MTHFD1: variants seen among roughly 807,000 people sequenced by gnomAD.
The protein encoded by MTHFD1 is methylenetetrahydrofolate dehydrogenase, cyclohydrolase and formyltetrahydrofolate synthetase 1, also known as C-1-tetrahydrofolate synthase, cytoplasmic.
Under a neutral mutation model 110.3 loss-of-function variants are expected in MTHFD1, and 44 were observed. That is an observed-to-expected ratio of 0.40 (90% CI 0.31 to 0.51). The LOEUF (loss-of-function observed/expected upper bound fraction) is 0.51, where lower values mean the gene tolerates loss of function less well. MTHFD1 is among the 20% of genes least tolerant of loss of function. MTHFD1 has a pLI of 0.60. For synonymous variants in MTHFD1, 402 were observed against 428.8 expected, an observed-to-expected ratio of 0.94 and a Z score of 0.77; for missense variants, 909 against 1,173.1, an observed-to-expected ratio of 0.77 and a Z score of 3.29.
At chr14:64,423,283 G>A (rs2078089642) in intron 8 of MTHFD1, among the ~76,000 whole-genome samples, 1 of 152,092 alleles carries the variant, frequency 6.6e-6, no homozygotes, top group Non-Finnish European at 1.5e-5. Context: ...TTTGGAGGCT[G>A]CTTTTTCAAT....
chr14:64,388,512 G>A, intron 1 of MTHFD1, 44 bp downstream of exon 1: 2 of 1,583,086 alleles, frequency 1.3e-6, no homozygotes, highest in Non-Finnish European at 1.7e-6. Context: ...TGTGGACGAG[G>A]GCTCTGAGGG....
At chr14:64,410,200 A>G (rs760842818) in intron 2 of MTHFD1, among the ~76,000 whole-genome samples, 1 of 152,186 alleles carries the variant, frequency 6.6e-6, no homozygotes, top group South Asian at 2.1e-4. Flanking sequence ...CCTCTGCACT[A>G]CAAGTTTCTC....
Position 64,449,518 on chromosome 14 carries a change from T to G in MTHFD1, c.2353T>G (p.Cys785Gly). Reference sequence around the variant, plus strand: ...ACATGGGGCTTTTGATGCCGTGAAGTGCACTCACTGGGCAGAAGGGGGCAA... The same window carrying G: ...ACATGGGGCTTTTGATGCCGTGAAGGGCACTCACTGGGCAGAAGGGGGCAA... The part of the protein sequence containing the change: ...REHGAFDAVK[C>G]THWAEGGKGA... The change falls in exon 24 of 28, where the codon TGC (cysteine) becomes GGC (glycine). Residue 785 changes from cysteine to glycine, a missense_variant. Cys to Gly is a radical substitution (Grantham distance 159). Around this residue, in one of 3 missense-constraint regions of MTHFD1, gnomAD observed 482 missense variants for 646.0 expected, o/e 0.75. Transcript: ENST00000652337. The G allele has an allele frequency of 6.2e-7, 1 of 1,614,144 alleles. No homozygotes were observed. The highest frequency in any genetic ancestry group is 8.5e-7 in the Non-Finnish European group (1 of 1,180,028).
At chr14:64,424,029 C>G (rs1179359040) in intron 8 of MTHFD1, among the ~76,000 whole-genome samples, 1 of 152,178 alleles carries the variant, frequency 6.6e-6, no homozygotes, top group Admixed American at 6.5e-5. Context: ...TTGCCTCCAC[C>G]TTGGAGCTTC....
chr14:64,444,653 A>C (rs753275019), intron 21 of MTHFD1, 40 bp from the exon 22 acceptor site: 1 of 1,613,086 alleles, frequency 6.2e-7, no homozygotes, highest in East Asian at 2.2e-5. Context: ...TAGGAGATTT[A>C]AATAGGAAAT....
intron 18 of MTHFD1, 97 bp downstream of exon 18, chr14:64,440,363 A>T (rs1406290547): frequency 1.7e-5 from 24 of 1,375,856 alleles, no homozygotes; most frequent in Non-Finnish European, 2.5e-5. Context: ...TGCTGTACTT[A>T]AGACATTGCA....
intron 11 of MTHFD1, 21 bp downstream of exon 11, chr14:64,426,213 G>A (rs748090241): frequency 2.5e-6 from 4 of 1,613,964 alleles, no homozygotes; most frequent in Non-Finnish European, 2.5e-6. Context: ...TATTCATGTT[G>A]CCATCCAAAT....
intron 7 of MTHFD1, 80 bp downstream of exon 7, chr14:64,418,104 A>T (rs2078039328): frequency 1.3e-6 from 2 of 1,533,920 alleles, no homozygotes; most frequent in Non-Finnish European, 1.8e-6. Flanking sequence ...CTTTACACTC[A>T]TGACCTCATT....
intron 21 of MTHFD1, among the ~76,000 whole-genome samples, chr14:64,444,124 G>A (rs1403326047): frequency 6.6e-6 from 1 of 151,980 alleles, no homozygotes; most frequent in African/African-American, 2.4e-5. Context: ...GGGGGGCGGG[G>A]CGGGGAGGCA....
chr14:64,412,944 G>A (rs1003162973), intron 4 of MTHFD1, among the ~76,000 whole-genome samples: 2 of 150,892 alleles, frequency 1.3e-5, no homozygotes, highest in Non-Finnish European at 3.0e-5. Context: ...GGCACCTCCA[G>A]GTATTCTTTC....
intron 27 of MTHFD1, 73 bp downstream of exon 27, chr14:64,458,380 G>A: frequency 2.0e-6 from 2 of 985,510 alleles, no homozygotes; most frequent in South Asian, 1.3e-5. Flanking sequence ...GGCTCAAACT[G>A]ACGCTATAAA....
chr14:64,456,961 T>C (rs2078484557), intron 26 of MTHFD1, among the ~76,000 whole-genome samples: 2 of 152,190 alleles, frequency 1.3e-5, no homozygotes, highest in Non-Finnish European at 2.9e-5. Context: ...TTGTTACAGA[T>C]AAAAATATAC....
rs147824509 is a variant in MTHFD1 at position 64,446,047 on chromosome 14, C to T, written c.2178+1313C>T. Among the ~76,000 whole-genome samples, 1,235 of 152,040 alleles carry T rather than the reference C, an allele frequency of 8.1e-3. 17 individuals are homozygous for T. Among genetic ancestry groups the T allele is most frequent in the African/African-American group, 0.028 (1,173 of 41,456 alleles). On this transcript the variant is annotated intron_variant, in intron 22 of 27. Transcript: ENST00000652337. ...ACAAACATTAGTGCTGGGTTTTGCT[C>T]GATGATTCAGTATATGTATTTTTAT...
intron 4 of MTHFD1, among the ~76,000 whole-genome samples, chr14:64,414,059 A>G (rs2078006012): frequency 6.6e-6 from 1 of 152,076 alleles, no homozygotes; most frequent in African/African-American, 2.4e-5. Context: ...CAGTGGTGCA[A>G]TATTGGCTCA....
chr14:64,451,241 C>T (rs762955204), intron 24 of MTHFD1, among the ~76,000 whole-genome samples: 1 of 151,990 alleles, frequency 6.6e-6, no homozygotes, highest in Non-Finnish European at 1.5e-5. Flanking sequence ...AGGCTGGTCT[C>T]GAACTCCTGG....
rs2078248476 is a variant in MTHFD1 at position 64,441,594 on chromosome 14, C to T, written c.1884+141C>T. 20 of 718,912 alleles carry T rather than the reference C, an allele frequency of 2.8e-5. 1 individual carries two copies. The highest frequency in any genetic ancestry group is 1.9e-4 in the South Asian group (13 of 68,060). The allele number at this position is 718,912 out of a possible 1,614,324, so 44.5% of individuals were successfully genotyped here. On this transcript the variant is annotated intron_variant, in intron 19 of 27. Transcript: ENST00000652337. ...GGCCAAGGTGGGCAGATCACAAGGT[C>T]AGGAGATCGAGACCATCCTGGCTAA...
At chr14:64,399,669 A>AG (rs1212720097) in intron 1 of MTHFD1, among the ~76,000 whole-genome samples, 4 of 151,790 alleles carry the variant, frequency 2.6e-5, no homozygotes, top group Non-Finnish European at 4.4e-5. Flanking sequence ...AAAAAAAAAA[A>AG]AAAAAAAGAA....
chr14:64,412,623 G>C, intron 4 of MTHFD1, 98 bp downstream of exon 4: 1 of 753,348 alleles, frequency 1.3e-6, no homozygotes, highest in Non-Finnish European at 2.3e-6. Flanking sequence ...ATTTAGCCAA[G>C]ACCTCCAGGT....
rs1456058732 is a variant in MTHFD1, at chr14:64,405,991, T to TTA, written c.127-5091_127-5090dup. Among the ~76,000 whole-genome samples, 1,178 of 149,838 alleles carry TTA rather than the reference T, an allele frequency of 7.9e-3. 16 individuals are homozygous for TTA. Among genetic ancestry groups the TTA allele is most frequent in the African/African-American group, 0.027 (1,091 of 40,888 alleles). ...TTATACTTGTAGACTGAAGGTAATT[T>TTA]TATATATATGTGTGTGTGTGTATAT... On this transcript the variant is annotated intron_variant, in intron 2 of 27. Transcript: ENST00000652337.
Sources: gnomAD v4.1 joint callset for allele counts (sites outside exome capture counted in the v4.1 genomes callset) on GRCh38, gnomAD v4.1.1 for gene constraint, gnomAD v4.1.1 regional missense constraint, MANE v1.5 for transcripts, NCBI Gene and HGNC (gene_info 2026-07-23, HGNC 2026-07-21) for gene names.